The following ZNF705B variants were observed in gnomAD, a reference collection of about 807,000 sequenced individuals.
The protein encoded by ZNF705B is zinc finger protein 705B.
Under a neutral mutation model 10.5 loss-of-function variants are expected in ZNF705B, and 1 was observed. That is an observed-to-expected ratio of 0.10 (90% CI 0.03 to 0.45). ZNF705B has a LOEUF of 0.45. Among genes scored for constraint, ZNF705B ranks in the 20% least tolerant of loss-of-function variants. The pLI is 0.97. For missense variants in ZNF705B, 14 were observed against 84.0 expected (o/e 0.17, Z 3.26); for synonymous variants, 4 against 25.4 (o/e 0.16, Z 2.53).
chr8:7,935,269 C>CA (rs1252632402), intron 2 of ZNF705B, among the ~76,000 whole-genome samples: 1 of 135,934 alleles, frequency 7.4e-6, no homozygotes, highest in Admixed American at 7.5e-5. Context: ...CTCTAGAAAC[C>CA]ATTGCATATA....
intron 2 of ZNF705B, chr8:7,934,680 T>TTG (rs1423502714): frequency 2.3e-5 from 5 of 216,748 alleles, no homozygotes; most frequent in Admixed American, 1.1e-4. Flanking sequence ...TTGTGTGGAT[T>TTG]TGTGTGTGTG....
At chr8:7,930,103 A>C (rs1242303457) in intron 1 of ZNF705B, among the ~76,000 whole-genome samples, 184 bp from the exon 2 acceptor site, 1 of 110,504 alleles carries the variant, frequency 9.0e-6, no homozygotes, top group Admixed American at 1.1e-4. Flanking sequence ...TGAACATAGT[A>C]CCAGATAGGT....
Position 7,932,282 on chromosome 8 carries a change from G to T in ZNF705B, c.-72+1846G>T, listed in dbSNP as rs1242015108. Among the ~76,000 whole-genome samples the T allele has an allele frequency of 1.7e-5, 2 of 120,970 alleles. 1 individual carries two copies. The highest frequency in any genetic ancestry group is 5.5e-4 in the South Asian group (2 of 3,616). The allele number at this position is 120,970 out of a possible 152,430, so 79.4% of individuals were successfully genotyped here. A position where few individuals can be genotyped will look rare whatever the true frequency, so the allele number is the denominator to read the frequency against. Reference sequence around the variant, plus strand: ...TTAAGCTGATTCTGGCTGGGCTGCTGCTTCATTTTCCTTTCCTTCCATGCC... The same window carrying T: ...TTAAGCTGATTCTGGCTGGGCTGCTTCTTCATTTTCCTTTCCTTCCATGCC... On this transcript the variant is annotated intron_variant, in intron 2 of 6. Transcript: ENST00000400120.
At chr8:7,932,664 T>C (rs1213449538) in intron 2 of ZNF705B, among the ~76,000 whole-genome samples, 8 of 121,562 alleles carry the variant, frequency 6.6e-5, no homozygotes, top group South Asian at 2.8e-4. Flanking sequence ...TCTCAGTCTC[T>C]GAGATTTTGA....
intron 1 of ZNF705B, among the ~76,000 whole-genome samples, chr8:7,928,235 CT>C (rs2128940873): frequency 8.7e-6 from 1 of 115,012 alleles, no homozygotes; most frequent in South Asian, 3.1e-4. Context: ...TAATCACCTC[CT>C]CAAAGCCCGC....
chr8:7,941,378 C>A (rs1016712369), intron 2 of ZNF705B, among the ~76,000 whole-genome samples: 1 of 117,494 alleles, frequency 8.5e-6, no homozygotes, highest in African/African-American at 2.7e-5. Flanking sequence ...TTTTGAGAAA[C>A]CTTCATACTG....
chr8:7,940,284 G>T lies in ZNF705B; in HGVS notation c.-71-7067G>T, dbSNP rs139231468. 6.9e-4 allele frequency among the ~76,000 whole-genome samples: 103 copies of T among 149,222 alleles called. 3 individuals are homozygous for T. The East Asian group carries it at 0.018, about 26-fold the overall frequency. ...ATTTTAACCGACTTTGTTGAGCGAT[G>T]ATTACATTTAAAAAGCTGTACATAT... On this transcript the variant is annotated intron_variant, in intron 2 of 6. Coordinates refer to ENST00000400120, the MANE Select transcript of ZNF705B (RefSeq NM_001193630.1).
intron 1 of ZNF705B, among the ~76,000 whole-genome samples, chr8:7,928,245 G>A (rs1446363236): frequency 8.6e-6 from 1 of 115,610 alleles, no homozygotes; most frequent in Non-Finnish European, 2.1e-5. Context: ...CTCAAAGCCC[G>A]CACCTTGTAA....
rs1284411018 is a variant in ZNF705B, at chr8:7,929,173, G to A, written c.-221-1114G>A. 1.1e-4 allele frequency among the ~76,000 whole-genome samples: 14 copies of A among 121,776 alleles called. 2 individuals carry two copies. Among genetic ancestry groups the A allele is most frequent in the South Asian group, 2.7e-4 (1 of 3,696 alleles). The allele number at this position is 121,776 out of a possible 152,430, so 79.9% of individuals were successfully genotyped here. A position where few individuals can be genotyped will look rare whatever the true frequency, so the allele number is the denominator to read the frequency against. On this transcript the variant is annotated intron_variant, in intron 1 of 6. Transcript: ENST00000400120. ...ATCTTGAAATAAGGTAATGTCAGTC[G>A]TATTAAATATTGGTTAATTTAATCC...
At chr8:7,929,034 C>T (rs530224284) in intron 1 of ZNF705B, among the ~76,000 whole-genome samples, 4 of 120,356 alleles carry the variant, frequency 3.3e-5, no homozygotes, top group African/African-American at 7.5e-5. Flanking sequence ...CAGAATTCAC[C>T]GCTATATAAT....
In ZNF705B at chr8:7,928,441, G is replaced by T. The variant is rs1819756435; in HGVS notation, c.-221-1846G>T. 2.5e-5 allele frequency among the ~76,000 whole-genome samples: 3 copies of T among 120,530 alleles called. 1 individual carries two copies. The Admixed American group carries it at 2.8e-4, about 11-fold the overall frequency. The allele number at this position is 120,530 out of a possible 152,430, so 79.1% of individuals were successfully genotyped here. ...TACGTGAGTACCTCGTCTCTGCTAG[G>T]TACTTCTCAGGGGCTGAGGAAGTAA... On this transcript the variant is annotated intron_variant, in intron 1 of 6. Transcript: ENST00000400120.
chr8:7,927,010 G>A (rs550397362), intron 1 of ZNF705B, among the ~76,000 whole-genome samples: 6 of 119,354 alleles, frequency 5.0e-5, no homozygotes, highest in African/African-American at 1.3e-4. Flanking sequence ...TAAAAGTTAT[G>A]TCAACTAAGA....
At chr8:7,929,207 G>A (rs1254644724) in intron 1 of ZNF705B, among the ~76,000 whole-genome samples, 1 of 121,824 alleles carries the variant, frequency 8.2e-6, no homozygotes, top group Non-Finnish European at 2.0e-5. Flanking sequence ...CCATAGATGT[G>A]TGGAAAGAGG....
rs1187567187 is a variant in ZNF705B at position 7,950,390 on chromosome 8, G to A, written c.235+262G>A. Among the ~76,000 whole-genome samples, 4 of 15,580 alleles carry A rather than the reference G, an allele frequency of 2.6e-4. 1 individual carries two copies. Among genetic ancestry groups the A allele is most frequent in the African/African-American group, 3.2e-4 (4 of 12,420 alleles). 10.2% of individuals were successfully genotyped at this position (15,580 alleles called of 152,430 possible). On this transcript the variant is annotated intron_variant, in intron 5 of 6. Coordinates refer to ENST00000400120, the MANE Select transcript of ZNF705B (RefSeq NM_001193630.1). ...GGCTGGGGTTAAACTTTCATATGCT[G>A]ACCCTTTCCCTGATACCCCTGTGAA...
chr8:7,927,737 G>T (rs1282399066), intron 1 of ZNF705B, among the ~76,000 whole-genome samples: 7 of 146,964 alleles, frequency 4.8e-5, no homozygotes, highest in Admixed American at 3.5e-4. Flanking sequence ...TGAAACCAGG[G>T]TTATCTGACT....
In ZNF705B at chr8:7,940,429, T is replaced by A. The variant is rs1162468138; in HGVS notation, c.-71-6922T>A. Among the ~76,000 whole-genome samples the A allele has an allele frequency of 4.0e-5, 5 of 126,500 alleles. 1 individual carries two copies. The highest frequency in any genetic ancestry group is 7.1e-5 in the Non-Finnish European group (4 of 56,198). 83.0% of individuals were successfully genotyped at this position (126,500 alleles called of 152,430 possible). On this transcript the variant is annotated intron_variant, in intron 2 of 6. Coordinates refer to ENST00000400120, the MANE Select transcript of ZNF705B (RefSeq NM_001193630.1). ...TCCCCTCCCCTTTATTATTATTTTTTTTTTTGGTAAGAAATATTGGTAAGA... is the reference window on the plus strand; with the variant it reads ...TCCCCTCCCCTTTATTATTATTTTTATTTTTGGTAAGAAATATTGGTAAGA...
rs1819844220 is a variant in ZNF705B at position 7,931,414 on chromosome 8, A to T, written c.-72+978A>T. Among the ~76,000 whole-genome samples, 2 of 121,652 alleles carry T rather than the reference A, an allele frequency of 1.6e-5. 1 individual carries two copies. Among genetic ancestry groups the T allele is most frequent in the Non-Finnish European group, 4.0e-5 (2 of 50,578 alleles). 79.8% of individuals were successfully genotyped at this position (121,652 alleles called of 152,430 possible). A position where few individuals can be genotyped will look rare whatever the true frequency, so the allele number is the denominator to read the frequency against. On this transcript the variant is annotated intron_variant, in intron 2 of 6. Transcript: ENST00000400120. ...ATCCTTAGGCTCTCAGGAGACACACAGGTACTTGATGGTGATAGGTATGGT... is the reference window on the plus strand; with the variant it reads ...ATCCTTAGGCTCTCAGGAGACACACTGGTACTTGATGGTGATAGGTATGGT...
At chr8:7,941,093 T>C (rs1421475434) in intron 2 of ZNF705B, among the ~76,000 whole-genome samples, 42 of 149,150 alleles carry the variant, frequency 2.8e-4, no homozygotes, top group Admixed American at 1.9e-3. Flanking sequence ...CTGTCACTGA[T>C]GGACATTTGG....
At chr8:7,934,064 C>T (rs1396003639) in intron 2 of ZNF705B, among the ~76,000 whole-genome samples, 41 of 140,882 alleles carry the variant, frequency 2.9e-4, no homozygotes, top group African/African-American at 9.6e-4. Flanking sequence ...CTTCAGCCTC[C>T]TGCGTAGCTG....
Sources: gnomAD v4.1 joint callset for allele counts (sites outside exome capture counted in the v4.1 genomes callset) on GRCh38, gnomAD v4.1.1 for gene constraint, MANE v1.5 for transcripts, NCBI Gene and HGNC (gene_info 2026-07-23, HGNC 2026-07-21) for gene names.